SNTG2: variants seen among roughly 807,000 people sequenced by gnomAD.
SNTG2 encodes the protein syntrophin gamma 2.
In SNTG2, 74 loss-of-function variants were observed where a neutral mutation model predicts 70.9. The observed-to-expected ratio is 1.04, with a 90% CI of 0.86 to 1.27. SNTG2 has a LOEUF of 1.27. SNTG2 is among the 50% of genes most tolerant of loss of function. The pLI is 0.00. For synonymous variants in SNTG2, 278 were observed against 273.8 expected, an observed-to-expected ratio of 1.02 and a Z score of -0.15; for missense variants, 717 against 690.7, an observed-to-expected ratio of 1.04 and a Z score of -0.43.
At chr2:1,178,596 G>A (rs532909629) in intron 8 of SNTG2, among the ~76,000 whole-genome samples, 18 of 152,224 alleles carry the variant, frequency 1.2e-4, no homozygotes, top group Admixed American at 9.8e-4. Context: ...TTTATGTGAT[G>A]GATTATGTTC....
At chr2:1,297,113 G>A (rs906222433) in intron 14 of SNTG2, among the ~76,000 whole-genome samples, 5 of 152,052 alleles carry the variant, frequency 3.3e-5, no homozygotes, top group Non-Finnish European at 2.9e-5. Context: ...GAATTGCCCC[G>A]TTCTACTGGA....
At chr2:1,244,728 A>C (rs1169359537) in intron 11 of SNTG2, among the ~76,000 whole-genome samples, 1 of 150,292 alleles carries the variant, frequency 6.7e-6, no homozygotes, top group Non-Finnish European at 1.5e-5. Context: ...AGTTTGCAAT[A>C]ATTTAGAACT....
chr2:1,361,801 T>C (rs35853783), intron 16 of SNTG2, among the ~76,000 whole-genome samples: 8 of 23,376 alleles, frequency 3.4e-4, no homozygotes, highest in African/African-American at 3.1e-4. Context: ...AGGTCACCGA[T>C]GCTGAGCATT....
chr2:967,873 A>T (rs1306855901), intron 1 of SNTG2, among the ~76,000 whole-genome samples: 1 of 152,186 alleles, frequency 6.6e-6, no homozygotes, highest in African/African-American at 2.4e-5. Context: ...TACTAAAAAT[A>T]CAAAAATTAG....
intron 4 of SNTG2, among the ~76,000 whole-genome samples, chr2:1,130,755 T>C (rs549697249): frequency 3.9e-5 from 6 of 152,202 alleles, no homozygotes; most frequent in Non-Finnish European, 8.8e-5. Flanking sequence ...TGTTGGAGAT[T>C]AAAAACTCTG....
At chr2:1,003,384 A>G (rs1334612180) in intron 1 of SNTG2, among the ~76,000 whole-genome samples, 3 of 152,236 alleles carry the variant, frequency 2.0e-5, no homozygotes, top group Non-Finnish European at 4.4e-5. Context: ...TCTGGGTGAC[A>G]CAAGCCAGTG....
At chr2:1,366,659 T>TCCTCGCTTCCCG (rs1661504412) in intron 16 of SNTG2, among the ~76,000 whole-genome samples, 1 of 152,274 alleles carries the variant, frequency 6.6e-6, no homozygotes, top group East Asian at 1.9e-4. Flanking sequence ...ACAAGGCCCC[T>TCCTCGCTTCCCG]CCTCGCTTCC....
intron 1 of SNTG2, among the ~76,000 whole-genome samples, chr2:1,054,254 G>T (rs150459176): frequency 7.3e-6 from 1 of 137,110 alleles, no homozygotes; most frequent in Non-Finnish European, 1.6e-5. Context: ...ATCCCTAAGC[G>T]TCAGACCTCA....
intron 1 of SNTG2, among the ~76,000 whole-genome samples, chr2:1,073,342 A>G (rs1663699043): frequency 6.6e-6 from 1 of 152,242 alleles, no homozygotes; most frequent in Non-Finnish European, 1.5e-5. Context: ...AGCAGCCACC[A>G]TCTTGATCCG....
Position 1,081,984 on chromosome 2 carries a change from A to G in SNTG2, c.73-1534A>G, listed in dbSNP as rs548244742. Reference sequence around the variant, plus strand: ...CCAGATGCAATGCAGTGGGGCACACACTCTTTTTTGTGCTGTGTTGAGTGA... The same window carrying G: ...CCAGATGCAATGCAGTGGGGCACACGCTCTTTTTTGTGCTGTGTTGAGTGA... On this transcript the variant is annotated intron_variant, in intron 1 of 16. Coordinates refer to ENST00000308624, the MANE Select transcript of SNTG2 (RefSeq NM_018968.4). Among the ~76,000 whole-genome samples, 236 of 152,122 alleles carry G rather than the reference A, an allele frequency of 1.6e-3. 3 individuals carry two copies. Among genetic ancestry groups the G allele is most frequent in the African/African-American group, 5.6e-3 (234 of 41,502 alleles).
intron 4 of SNTG2, among the ~76,000 whole-genome samples, chr2:1,130,507 CAATT>C (rs1371748940): frequency 2.6e-5 from 4 of 152,002 alleles, no homozygotes; most frequent in Admixed American, 6.5e-5. Flanking sequence ...TAAGAAATGA[CAATT>C]AAAGTTTTCT....
intron 1 of SNTG2, among the ~76,000 whole-genome samples, chr2:1,082,736 G>A (rs1572388139): frequency 6.6e-6 from 1 of 152,236 alleles, no homozygotes; most frequent in East Asian, 1.9e-4. Flanking sequence ...GGACGCCCAA[G>A]CCCTGTGCCT....
chr2:958,820 A>G (rs1660253673), intron 1 of SNTG2, among the ~76,000 whole-genome samples: 1 of 152,184 alleles, frequency 6.6e-6, no homozygotes, highest in Admixed American at 6.5e-5. Context: ...ACATAGTTTA[A>G]TATTTTGATG....
At chr2:1,005,812 T>A (rs1339389403) in intron 1 of SNTG2, among the ~76,000 whole-genome samples, 31 of 928 alleles carry the variant, frequency 0.033, 1 homozygote, top group African/African-American at 0.13. Flanking sequence ...TCAAAATATA[T>A]ATATATATAT....
chr2:1,315,011 C>T (rs1323270727), intron 15 of SNTG2, among the ~76,000 whole-genome samples: 1 of 152,190 alleles, frequency 6.6e-6, no homozygotes, highest in African/African-American at 2.4e-5. Context: ...TAAACCATAT[C>T]ACATGGGAAG....
chr2:1,001,349 G>A (rs1659387593), intron 1 of SNTG2, among the ~76,000 whole-genome samples: 1 of 151,994 alleles, frequency 6.6e-6, no homozygotes, highest in South Asian at 2.1e-4. Flanking sequence ...CTGATGATGT[G>A]ATCTTATACC....
At chr2:1,098,156 T>G in intron 2 of SNTG2, 40 bp from the exon 3 acceptor site, 1 of 1,605,864 alleles carries the variant, frequency 6.2e-7, no homozygotes, top group Non-Finnish European at 8.5e-7. Flanking sequence ...GATAGTGCAT[T>G]TTAACCTAAA....
intron 11 of SNTG2, among the ~76,000 whole-genome samples, chr2:1,246,332 A>T (rs1216002479): frequency 6.6e-6 from 1 of 152,174 alleles, no homozygotes; most frequent in Non-Finnish European, 1.5e-5. Flanking sequence ...AAGTCTCTCC[A>T]GCTTAAGAGT....
intron 4 of SNTG2, among the ~76,000 whole-genome samples, chr2:1,110,588 C>G (rs1215838720): frequency 1.3e-5 from 2 of 152,156 alleles, no homozygotes; most frequent in Non-Finnish European, 2.9e-5. Flanking sequence ...CCCCCATTGT[C>G]CCTCAGAAAG....
Sources: allele counts gnomAD v4.1 joint callset (sites outside exome capture counted in the v4.1 genomes callset), GRCh38; gene constraint gnomAD v4.1.1; transcripts MANE v1.5; gene names NCBI Gene and HGNC (gene_info 2026-07-23, HGNC 2026-07-21).